The following GNG2 variants were observed in gnomAD, a reference collection of about 807,000 sequenced individuals.
The protein encoded by GNG2 is G protein subunit gamma 2.
A neutral mutation model predicts 5.5 loss-of-function variants in GNG2; 5 were observed. That is an observed-to-expected ratio of 0.91 (90% CI 0.48 to 1.92). The LOEUF is 1.92. Among genes scored for constraint, GNG2 ranks in the 30% most tolerant of loss-of-function variants. The probability of loss-of-function intolerance (pLI) is 0.01; values close to 1 mark genes in which losing one functional copy is unlikely to be tolerated. For missense variants in GNG2, 55 were observed against 88.4 expected (o/e 0.62, Z 1.52); for synonymous variants, 28 against 32.0 (o/e 0.88, Z 0.42).
intron 2 of GNG2, among the ~76,000 whole-genome samples, chr14:51,950,318 A>G (rs1476722078): frequency 6.6e-6 from 1 of 152,228 alleles, no homozygotes; most frequent in Non-Finnish European, 1.5e-5. Context: ...GCCTCCCACT[A>G]TAGTGTCTCT....
chr14:51,921,207 CT>C (rs1002449482), intron 2 of GNG2, among the ~76,000 whole-genome samples: 1 of 152,172 alleles, frequency 6.6e-6, no homozygotes, highest in African/African-American at 2.4e-5. Context: ...TTCTTAACTT[CT>C]CTGTGCCTCC....
upstream of GNG2, among the ~76,000 whole-genome samples, chr14:51,856,154 G>T (rs546795294): frequency 6.6e-6 from 1 of 152,058 alleles, no homozygotes; most frequent in East Asian, 1.9e-4. Flanking sequence ...CTACACCCTG[G>T]GTAACAGAGC....
chr14:51,853,046 G>T (rs1336392772), intron 2 of GNG2, among the ~76,000 whole-genome samples: 1 of 151,890 alleles, frequency 6.6e-6, no homozygotes, highest in African/African-American at 2.4e-5. Context: ...TTTGATTTCT[G>T]GGGACATTTT....
intron 2 of GNG2, among the ~76,000 whole-genome samples, chr14:51,909,460 T>G (rs927334580): frequency 2.0e-5 from 3 of 152,244 alleles, no homozygotes; most frequent in African/African-American, 7.2e-5. Context: ...AACCTCTTCC[T>G]TCTAAAATCA....
intron 2 of GNG2, among the ~76,000 whole-genome samples, chr14:51,881,040 T>A (rs1404041724): frequency 6.9e-6 from 1 of 144,324 alleles, no homozygotes; most frequent in Non-Finnish European, 1.5e-5. Context: ...TCACAAGCCC[T>A]AGCTGCCCTT....
intron 1 of GNG2, among the ~76,000 whole-genome samples, chr14:51,875,890 AAAGTT>A (rs1333100681): frequency 7.3e-5 from 11 of 151,636 alleles, no homozygotes; most frequent in African/African-American, 1.7e-4. Context: ...ATTTTAAAAT[AAAGTT>A]AAGTAAAAAG....
At chr14:51,955,624 T>G (rs1238465251) in intron 3 of GNG2, among the ~76,000 whole-genome samples, 1 of 152,224 alleles carries the variant, frequency 6.6e-6, no homozygotes, top group Non-Finnish European at 1.5e-5. Context: ...CAGTTACATT[T>G]ATGGACTTGG....
Position 51,885,611 on chromosome 14 carries a change from C to A in GNG2, c.-30+7954C>A, listed in dbSNP as rs551468982. On this transcript the variant is annotated intron_variant, in intron 2 of 3. Coordinates refer to ENST00000556766, the MANE Select transcript of GNG2 (RefSeq NM_053064.5). ...CTATAACACACACACACACACACAC[C>A]CCCGCCCCCAAACAAAAAAACAAAA... Among the ~76,000 whole-genome samples the A allele has an allele frequency of 9.4e-4, 135 of 143,250 alleles. No homozygotes were observed. In the East Asian group the frequency reaches 0.016, roughly 17 times the overall value. The allele number at this position is 143,250 out of a possible 152,430, so 94.0% of individuals were successfully genotyped here. A position where few individuals can be genotyped will look rare whatever the true frequency, so the allele number is the denominator to read the frequency against.
At chr14:51,857,081 G>A (rs920452263), upstream of GNG2, among the ~76,000 whole-genome samples, 4 of 152,144 alleles carry the variant, frequency 2.6e-5, no homozygotes, top group Non-Finnish European at 4.4e-5. Context: ...AACCTTAATG[G>A]ACCCAAATGC....
intron 2 of GNG2, among the ~76,000 whole-genome samples, chr14:51,832,615 G>A (rs141410119): frequency 9.2e-4 from 140 of 152,312 alleles, no homozygotes; most frequent in African/African-American, 3.1e-3. Context: ...AGATCAAGGT[G>A]CTAGCATGAT....
intron 2 of GNG2, among the ~76,000 whole-genome samples, chr14:51,840,333 C>T (rs372233993): frequency 6.6e-6 from 1 of 152,210 alleles, no homozygotes. Flanking sequence ...ATCATGTCCC[C>T]TGTGACATCT....
At chr14:51,899,042 A>G (rs1180456130) in intron 2 of GNG2, among the ~76,000 whole-genome samples, 1 of 152,174 alleles carries the variant, frequency 6.6e-6, no homozygotes. Context: ...TGGGACCCCC[A>G]TCTCTACTCT....
chr14:51,840,469 T>C (rs896409176), intron 2 of GNG2, among the ~76,000 whole-genome samples: 5 of 152,220 alleles, frequency 3.3e-5, no homozygotes, highest in African/African-American at 7.2e-5. Flanking sequence ...GTCCCCAAAG[T>C]TGCCCAGTTC....
intron 2 of GNG2, among the ~76,000 whole-genome samples, chr14:51,918,912 C>A (rs1886828023): frequency 6.6e-6 from 1 of 152,206 alleles, no homozygotes; most frequent in African/African-American, 2.4e-5. Context: ...GCAACCTCCC[C>A]CTACCAGGTT....
chr14:51,831,322 G>A (rs4898719), intron 2 of GNG2, among the ~76,000 whole-genome samples: 104,287 of 152,124 alleles, frequency 0.69, 36,090 homozygotes, highest in East Asian at 0.82. Flanking sequence ...GTCTCCCCCA[G>A]TAGTATATAA....
At chr14:51,940,309 CT>C (rs984312471) in intron 2 of GNG2, 4 of 152,426 alleles carry the variant, frequency 2.6e-5, no homozygotes, top group Admixed American at 2.0e-4. Context: ...TGTGAACCCC[CT>C]GAGGCTATCC....
intron 1 of GNG2, among the ~76,000 whole-genome samples, chr14:51,874,444 A>G (rs1365939224): frequency 7.0e-6 from 1 of 143,632 alleles, no homozygotes; most frequent in South Asian, 2.2e-4. Context: ...AAAAAAAAAC[A>G]GTCTGGCTGG....
At chr14:51,859,249 G>T (rs1347655197), upstream of GNG2, among the ~76,000 whole-genome samples, 2 of 152,238 alleles carry the variant, frequency 1.3e-5, no homozygotes, top group East Asian at 1.9e-4. Flanking sequence ...CCATAATGTT[G>T]CCTGGACACT....
intron 2 of GNG2, among the ~76,000 whole-genome samples, chr14:51,935,246 C>T (rs964325872): frequency 6.6e-6 from 1 of 151,886 alleles, no homozygotes; most frequent in Admixed American, 6.6e-5. Flanking sequence ...AGGATAGTCT[C>T]GATCTCCTGA....
Sources: gnomAD v4.1 joint callset for allele counts (sites outside exome capture counted in the v4.1 genomes callset) on GRCh38, gnomAD v4.1.1 for gene constraint, MANE v1.5 for transcripts, NCBI Gene and HGNC (gene_info 2026-07-23, HGNC 2026-07-21) for gene names.